Variants in JAZF1 observed in about 807,000 individuals in gnomAD.
The protein encoded by JAZF1 is JAZF zinc finger 1.
In JAZF1, 8 loss-of-function variants were observed where a neutral mutation model predicts 26.4. The observed-to-expected ratio is 0.30, with a 90% CI of 0.18 to 0.55. The LOEUF (loss-of-function observed/expected upper bound fraction) is 0.55, where lower values mean the gene tolerates loss of function less well. Among genes scored for constraint, JAZF1 ranks in the 20% least tolerant of loss-of-function variants. The pLI, the probability that JAZF1 is intolerant of heterozygous loss-of-function variation, is 0.94. For synonymous variants in JAZF1, 126 were observed against 122.3 expected (o/e 1.03, Z -0.20); for missense variants, 199 against 322.0 (o/e 0.62, Z 2.92).
At chr7:27,971,274 C>A (rs1418648329) in intron 2 of JAZF1, among the ~76,000 whole-genome samples, 1 of 152,182 alleles carries the variant, frequency 6.6e-6, no homozygotes, top group Non-Finnish European at 1.5e-5. Flanking sequence ...CTGGAGACAA[C>A]CTCTGCACAG....
chr7:28,048,969 T>TTCC (rs1402128938), intron 1 of JAZF1, among the ~76,000 whole-genome samples: 7 of 138,910 alleles, frequency 5.0e-5, no homozygotes, highest in Non-Finnish European at 9.6e-5. Flanking sequence ...ACCTTTTCTT[T>TTCC]CTCCCTTCCC....
chr7:28,180,627 G>T lies in JAZF1; in HGVS notation c.-50C>A. ...GTGTCGGCTCTGCGAGCGCCGGGCG[G>T]GCGAGGGAGGGAGGGAGGCCGGGTG... On this transcript the variant is annotated 5_prime_UTR_variant, in exon 1 of 5. Transcript: ENST00000283928. 1 of 1,480,164 alleles carries T rather than the reference G, an allele frequency of 6.8e-7. No homozygotes were observed. The allele number at this position is 1,480,164 out of a possible 1,614,324, so 91.7% of individuals were successfully genotyped here. A position where few individuals can be genotyped will look rare whatever the true frequency, so the allele number is the denominator to read the frequency against.
intron 1 of JAZF1, among the ~76,000 whole-genome samples, chr7:28,092,430 T>C (rs968407881): frequency 6.6e-6 from 1 of 151,410 alleles, no homozygotes; most frequent in African/African-American, 2.4e-5. Flanking sequence ...ACGGTTGGAC[T>C]GAGCTTTGAT....
intron 2 of JAZF1, among the ~76,000 whole-genome samples, chr7:27,954,250 T>A (rs1026185466): frequency 2.0e-5 from 3 of 152,252 alleles, no homozygotes; most frequent in African/African-American, 7.2e-5. Context: ...TCCTGCTGCC[T>A]TTCACTATTT....
chr7:27,895,472 A>G, intron 2 of JAZF1, 56 bp from the exon 3 acceptor site: 1 of 1,298,628 alleles, frequency 7.7e-7, no homozygotes, highest in Non-Finnish European at 1.0e-6. Context: ...ATGAGGACTG[A>G]TGACATTTAT....
At chr7:28,179,188 G>A (rs1355420876) in intron 1 of JAZF1, among the ~76,000 whole-genome samples, 1 of 152,222 alleles carries the variant, frequency 6.6e-6, no homozygotes. Flanking sequence ...GCCCCATTGG[G>A]ACATCGCTCG....
chr7:27,871,377 C>T (rs1783579153), intron 3 of JAZF1, among the ~76,000 whole-genome samples: 1 of 152,204 alleles, frequency 6.6e-6, no homozygotes, highest in Non-Finnish European at 1.5e-5. Flanking sequence ...TGTTTCTTCC[C>T]TTGCTTTGTT....
Position 27,997,767 on chromosome 7 carries a change from TC to T in JAZF1, c.116-5787del, listed in dbSNP as rs533996787. Among the ~76,000 whole-genome samples, 99 of 151,068 alleles carry T rather than the reference TC, an allele frequency of 6.6e-4. 1 individual carries two copies. The highest frequency in any genetic ancestry group is 3.4e-3 in the Middle Eastern group (1 of 292). On this transcript the variant is annotated intron_variant, in intron 1 of 4. Transcript: ENST00000283928. ...ACTTTTTTTTTTTTTAGAGTTGGGG[TC>T]TTGCTATGTTGCCTAGGCTGGTCTT...
chr7:27,832,481 C>T lies in JAZF1; in HGVS notation c.*319G>A, dbSNP rs190282399. 3.3e-5 allele frequency: 8 copies of T among 243,106 alleles called. No individual in the cohort carries two copies. Among genetic ancestry groups the T allele is most frequent in the South Asian group, 3.2e-4 (2 of 6,280 alleles). The allele number at this position is 243,106 out of a possible 1,614,324, so 15.1% of individuals were successfully genotyped here. A position where few individuals can be genotyped will look rare whatever the true frequency, so the allele number is the denominator to read the frequency against. ...CCTCCTCCCCCCAGGTTGATACCAC[C>T]GCAATACAATTCAACAATATGCAAC... is the stretch of plus-strand genomic sequence containing the variant. On this transcript the variant is annotated 3_prime_UTR_variant, in exon 5 of 5. Coordinates refer to ENST00000283928, the MANE Select transcript of JAZF1 (RefSeq NM_175061.4).
At chr7:28,106,616 A>G (rs1346087966) in intron 1 of JAZF1, among the ~76,000 whole-genome samples, 7 of 152,120 alleles carry the variant, frequency 4.6e-5, no homozygotes, top group African/African-American at 1.4e-4. Context: ...CATTCACCAT[A>G]TGGTCATTTC....
At chr7:27,909,095 G>A (rs758893635) in intron 2 of JAZF1, among the ~76,000 whole-genome samples, 5 of 146,190 alleles carry the variant, frequency 3.4e-5, no homozygotes, top group Non-Finnish European at 5.9e-5. Flanking sequence ...CTGCAGCCTC[G>A]ACCTGCTGGG....
chr7:28,172,308 G>A (rs1283120193), intron 1 of JAZF1, among the ~76,000 whole-genome samples: 1 of 152,102 alleles, frequency 6.6e-6, no homozygotes, highest in East Asian at 1.9e-4. Context: ...ACATTTTTAG[G>A]ATTGTTGTCA....
chr7:27,939,934 T>C lies in JAZF1; in HGVS notation c.189-44518A>G, dbSNP rs1403151983. Among the ~76,000 whole-genome samples the C allele has an allele frequency of 2.6e-5, 4 of 152,162 alleles. No homozygotes were observed. In the East Asian group the frequency reaches 7.7e-4, roughly 29 times the overall value. On this transcript the variant is annotated intron_variant, in intron 2 of 4. Coordinates refer to ENST00000283928, the MANE Select transcript of JAZF1 (RefSeq NM_175061.4). Reference sequence around the variant, plus strand: ...CTTTGCATGTAAGTGACCCTGCCGCTTGCTAACAGTGGTTGAAAACCATTC... The same window carrying C: ...CTTTGCATGTAAGTGACCCTGCCGCCTGCTAACAGTGGTTGAAAACCATTC...
In JAZF1 at chr7:27,979,405, TAGAAACAGAG is replaced by T. The variant is rs1562547532; in HGVS notation, c.188+12494_188+12503del. ...TTTTTTTTTTTTTTTTTTTTTTTTT[TAGAAACAGAG>T]TCTTGTTCTATCACCCAGGCTGGAG... On this transcript the variant is annotated intron_variant, in intron 2 of 4. Transcript: ENST00000283928. Among the ~76,000 whole-genome samples the T allele has an allele frequency of 1.7e-3, 143 of 84,188 alleles. No individual in the cohort carries two copies. In the East Asian group the frequency reaches 0.022, roughly 13 times the overall value. The allele number at this position is 84,188 out of a possible 152,430, so 55.2% of individuals were successfully genotyped here.
chr7:27,899,826 G>A (rs1389444830), intron 2 of JAZF1, among the ~76,000 whole-genome samples: 8 of 152,182 alleles, frequency 5.3e-5, no homozygotes, highest in Non-Finnish European at 1.2e-4. Flanking sequence ...GGTGTGACCT[G>A]TTTGAGGTCA....
intron 1 of JAZF1, among the ~76,000 whole-genome samples, chr7:28,006,834 A>T (rs1782710163): frequency 6.6e-6 from 1 of 152,194 alleles, no homozygotes; most frequent in African/African-American, 2.4e-5. Flanking sequence ...CTCTAATTAA[A>T]TTGCCAGGTG....
intron 2 of JAZF1, among the ~76,000 whole-genome samples, chr7:27,989,255 G>A (rs1785841800): frequency 6.6e-6 from 1 of 152,154 alleles, no homozygotes; most frequent in South Asian, 2.1e-4. Flanking sequence ...GCTGAAATTG[G>A]ATCCCTTCCT....
Position 27,849,384 on chromosome 7 carries a change from T to C in JAZF1, c.386-8517A>G, listed in dbSNP as rs142738953. Among the ~76,000 whole-genome samples the C allele has an allele frequency of 2.6e-5, 4 of 152,340 alleles. No homozygotes were observed. In the East Asian group the frequency reaches 7.7e-4, roughly 29 times the overall value. On this transcript the variant is annotated intron_variant, in intron 3 of 4. Transcript: ENST00000283928. ...GTAAGGCTCTCTGTAGTCTCAGATA[T>C]GATTAATCAATTTTAAAATGGTGTT...
chr7:27,858,104 T>C (rs1453095871), intron 3 of JAZF1, among the ~76,000 whole-genome samples: 3 of 151,864 alleles, frequency 2.0e-5, no homozygotes, highest in Admixed American at 6.6e-5. Flanking sequence ...ACACCAATAA[T>C]AGACAAACAG....
Sources: gnomAD v4.1 joint callset for allele counts (sites outside exome capture counted in the v4.1 genomes callset) on GRCh38, gnomAD v4.1.1 for gene constraint, MANE v1.5 for transcripts, NCBI Gene and HGNC (gene_info 2026-07-23, HGNC 2026-07-21) for gene names.